MAP2K6: variants seen among roughly 807,000 people sequenced by gnomAD.
The protein encoded by MAP2K6 is mitogen-activated protein kinase kinase 6, also known as dual specificity mitogen-activated protein kinase kinase 6.
MAP2K6 carries 16 observed loss-of-function variants against 53.7 expected under a neutral mutation model. That is an observed-to-expected ratio of 0.30 (90% CI 0.20 to 0.45). MAP2K6 has a LOEUF of 0.45. MAP2K6 is among the 20% of genes least tolerant of loss of function. MAP2K6 has a pLI of 1.00. For synonymous variants in MAP2K6, 132 were observed against 143.1 expected (o/e 0.92, Z 0.55); for missense variants, 204 against 411.9 (o/e 0.50, Z 4.37).
chr17:69,493,777 A>AT lies in MAP2K6; in HGVS notation c.17-12003_17-12002insT, dbSNP rs1235395773. On this transcript the variant is annotated intron_variant, in intron 1 of 11. Coordinates refer to ENST00000590474, the MANE Select transcript of MAP2K6 (RefSeq NM_002758.4). ...CTCCATCTCAAGAAAAAAGAAAAAA[A>AT]AAAATATATGTATACTCAGCTTCAT... is the stretch of plus-strand genomic sequence containing the variant. Among the ~76,000 whole-genome samples, 705 of 105,486 alleles carry AT rather than the reference A, an allele frequency of 6.7e-3. 6 individuals are homozygous for AT. Among genetic ancestry groups the AT allele is most frequent in the African/African-American group, 0.02 (675 of 33,230 alleles). The allele number at this position is 105,486 out of a possible 152,430, so 69.2% of individuals were successfully genotyped here.
At chr17:69,470,935 T>G (rs1839746645) in intron 1 of MAP2K6, among the ~76,000 whole-genome samples, 1 of 152,184 alleles carries the variant, frequency 6.6e-6, no homozygotes, top group Non-Finnish European at 1.5e-5. Flanking sequence ...GAACCAGCCT[T>G]GAAACACACC....
At chr17:69,454,085 C>G (rs761163534) in intron 1 of MAP2K6, among the ~76,000 whole-genome samples, 1 of 152,156 alleles carries the variant, frequency 6.6e-6, no homozygotes, top group Non-Finnish European at 1.5e-5. Flanking sequence ...TTCAGAAAAA[C>G]GTATTTCCTA....
At chr17:69,538,406 C>T (rs962571778) in intron 11 of MAP2K6, among the ~76,000 whole-genome samples, 2 of 152,002 alleles carry the variant, frequency 1.3e-5, no homozygotes, top group Non-Finnish European at 2.9e-5. Context: ...CATGTCAGTC[C>T]CCCTTTTCTT....
chr17:69,495,248 T>A (rs567430244), intron 1 of MAP2K6, among the ~76,000 whole-genome samples: 1 of 152,172 alleles, frequency 6.6e-6, no homozygotes, highest in South Asian at 2.1e-4. Context: ...TTTATTTATT[T>A]TTTTTTTGAG....
intron 2 of MAP2K6, among the ~76,000 whole-genome samples, chr17:69,512,635 C>G (rs944375078): frequency 2.0e-5 from 3 of 152,036 alleles, no homozygotes; most frequent in Non-Finnish European, 4.4e-5. Context: ...CTGCGCCCGG[C>G]CTGAGTGTTC....
intron 11 of MAP2K6, among the ~76,000 whole-genome samples, chr17:69,536,473 T>C (rs147343880): frequency 1.3e-5 from 2 of 152,220 alleles, no homozygotes; most frequent in African/African-American, 4.8e-5. Flanking sequence ...ATTACTAAGA[T>C]AAAATTAAGG....
At chr17:69,486,396 T>C (rs1225119970) in intron 1 of MAP2K6, among the ~76,000 whole-genome samples, 1 of 152,236 alleles carries the variant, frequency 6.6e-6, no homozygotes, top group Non-Finnish European at 1.5e-5. Context: ...ATGTATTTGG[T>C]TAAGTGTGTT....
At chr17:69,440,833 T>C (rs190478105) in intron 1 of MAP2K6, among the ~76,000 whole-genome samples, 1 of 152,330 alleles carries the variant, frequency 6.6e-6, no homozygotes, top group East Asian at 1.9e-4. Context: ...TATTTTCTCT[T>C]GATACATAAT....
At chr17:69,437,821 G>A (rs562756912) in intron 1 of MAP2K6, among the ~76,000 whole-genome samples, 45 of 152,296 alleles carry the variant, frequency 3.0e-4, no homozygotes, top group African/African-American at 9.4e-4. Context: ...CCTATAAATG[G>A]AATTATACAA....
chr17:69,459,361 T>A (rs1907533649), intron 1 of MAP2K6, among the ~76,000 whole-genome samples: 1 of 152,062 alleles, frequency 6.6e-6, no homozygotes, highest in African/African-American at 2.4e-5. Flanking sequence ...CCTTTGAGAA[T>A]ATGGGAACTA....
intron 1 of MAP2K6, among the ~76,000 whole-genome samples, chr17:69,424,163 A>G (rs1187239798): frequency 6.6e-6 from 1 of 152,144 alleles, no homozygotes; most frequent in Non-Finnish European, 1.5e-5. Context: ...TTGAGGACGA[A>G]TATTCTTTGT....
Position 69,520,282 on chromosome 17 carries a change from A to G in MAP2K6, c.379A>G (p.Ile127Val), listed in dbSNP as rs747793006. 6.3e-7 allele frequency: 1 copy of G among 1,592,038 alleles called. No individual in the cohort carries two copies. The highest frequency in any genetic ancestry group is 8.6e-7 in the Non-Finnish European group (1 of 1,164,684). The change falls in exon 6 of 12, where the codon ATC becomes GTC. Residue 127 changes from isoleucine to valine, a missense_variant. Ile to Val is a conservative substitution (Grantham distance 29). Coordinates refer to ENST00000590474, the MANE Select transcript of MAP2K6 (RefSeq NM_002758.4). ...AATTGGTCTCCAGGGTGATGTGTGG[A>G]TCTGCATGGAGCTCATGGATACATC... ...GALFREGDVWICMELMDTSLD... is the reference protein window; with the variant it reads ...GALFREGDVWVCMELMDTSLD...
intron 1 of MAP2K6, among the ~76,000 whole-genome samples, chr17:69,429,609 A>C (rs1364497890): frequency 6.6e-6 from 1 of 152,248 alleles, no homozygotes; most frequent in Non-Finnish European, 1.5e-5. Flanking sequence ...CCTAGAGCTA[A>C]TATGCAGCTT....
chr17:69,521,605 T>A (rs187224550), intron 7 of MAP2K6: 5 of 152,424 alleles, frequency 3.3e-5, no homozygotes, highest in Admixed American at 3.3e-4. Flanking sequence ...CTTTTCTTCC[T>A]TCTTATTGGC....
intron 1 of MAP2K6, among the ~76,000 whole-genome samples, chr17:69,478,235 A>C (rs1051788946): frequency 5.9e-5 from 9 of 152,204 alleles, no homozygotes; most frequent in African/African-American, 2.2e-4. Context: ...AAAGACTGGA[A>C]ATTCAACCAA....
intron 1 of MAP2K6, among the ~76,000 whole-genome samples, chr17:69,466,981 C>T (rs1907835770): frequency 6.6e-6 from 1 of 152,140 alleles, no homozygotes; most frequent in African/African-American, 2.4e-5. Context: ...GGTGGTTCTA[C>T]CATGAAATCT....
At chr17:69,422,747 A>G (rs1471242598) in intron 1 of MAP2K6, among the ~76,000 whole-genome samples, 1 of 152,216 alleles carries the variant, frequency 6.6e-6, no homozygotes, top group Non-Finnish European at 1.5e-5. Flanking sequence ...TGAGGAAATC[A>G]ATTGTTGTTA....
intron 1 of MAP2K6, among the ~76,000 whole-genome samples, chr17:69,429,266 C>T (rs1222684426): frequency 8.4e-5 from 12 of 142,378 alleles, no homozygotes; most frequent in Non-Finnish European, 1.5e-4. Flanking sequence ...TAGTGAGACT[C>T]TGTCTCTACA....
At chr17:69,441,307 A>G (rs1023656866) in intron 1 of MAP2K6, among the ~76,000 whole-genome samples, 1 of 151,598 alleles carries the variant, frequency 6.6e-6, no homozygotes, top group African/African-American at 2.4e-5. Context: ...GTCCCTGAAG[A>G]TTTTTTTTCA....
Sources: allele counts gnomAD v4.1 joint callset (sites outside exome capture counted in the v4.1 genomes callset), GRCh38; gene constraint gnomAD v4.1.1; transcripts MANE v1.5; gene names NCBI Gene and HGNC (gene_info 2026-07-23, HGNC 2026-07-21).